Variants in TUBGCP6 observed in about 807,000 individuals in gnomAD.
The protein encoded by TUBGCP6 is tubulin gamma complex component 6.
A neutral mutation model predicts 175.8 loss-of-function variants in TUBGCP6; 161 were observed. The observed-to-expected ratio is 0.92, with a 90% CI of 0.81 to 1.04. TUBGCP6 has a LOEUF of 1.04. Ranked by LOEUF, TUBGCP6 falls within the 50% of genes least tolerant of loss-of-function variation. The pLI, the probability that TUBGCP6 is intolerant of heterozygous loss-of-function variation, is 0.00. For synonymous variants in TUBGCP6, 1,173 were observed against 1,030.5 expected (o/e 1.14, Z -2.65); for missense variants, 2,572 against 2,433.0 (o/e 1.06, Z -1.20).
Position 50,224,191 on chromosome 22 carries a change from GTCTCGGAGT to G in TUBGCP6, c.2211_2219del (p.Glu737_Arg739del). 6.2e-7 allele frequency: 1 copy of G among 1,614,078 alleles called. No homozygotes were observed. Among genetic ancestry groups the G allele is most frequent in the Non-Finnish European group, 8.5e-7 (1 of 1,180,024 alleles). The stretch of plus-strand genomic sequence containing the variant: ...CCAGGGACTTCAGCCTTCTCTCCCT[GTCTCGGAGT>G]TCACGGGCGTAGCTGAAGTCATCAT... On this transcript the variant is annotated inframe_deletion, in exon 13 of 25. Transcript: ENST00000248846.
intron 10 of TUBGCP6, 100 bp downstream of exon 10, chr22:50,225,694 C>T (rs2088634588): frequency 6.9e-7 from 1 of 1,446,522 alleles, no homozygotes; most frequent in Non-Finnish European, 9.1e-7. Context: ...GAAGGGAGGC[C>T]CCCATCTTGC....
In TUBGCP6 at chr22:50,244,134, G is replaced by T. The variant is rs2064886230; in HGVS notation, c.326C>A (p.Ser109Tyr). 1 of 1,613,568 alleles carries T rather than the reference G, an allele frequency of 6.2e-7. No homozygotes were observed. The highest frequency in any genetic ancestry group is 8.5e-7 in the Non-Finnish European group (1 of 1,180,052). Residue 109 changes from serine (S) to tyrosine (Y), a missense_variant, in exon 1 of 25, where the codon TCT (serine) becomes TAT (tyrosine). Coordinates refer to ENST00000248846, the MANE Select transcript of TUBGCP6 (RefSeq NM_020461.4). Reference protein sequence around the residue: ...APCCPLLEVGSVLDLLVQLAG... With the variant: ...APCCPLLEVGYVLDLLVQLAG... ...CAGCTGAACCAGGAGGTCCAAAACA[G>T]ACCCCACCTCCAAAAGCGGACAGCA...
chr22:50,239,830 C>T (rs2064818254), intron 2 of TUBGCP6, among the ~76,000 whole-genome samples: 1 of 152,238 alleles, frequency 6.6e-6, no homozygotes, highest in Non-Finnish European at 1.5e-5. Context: ...AGGCAGCTCT[C>T]TTGCTCTTAA....
At chr22:50,228,984 A>C (rs1243919617) in intron 4 of TUBGCP6, among the ~76,000 whole-genome samples, 1 of 152,180 alleles carries the variant, frequency 6.6e-6, no homozygotes, top group African/African-American at 2.4e-5. Flanking sequence ...AAGACTCACC[A>C]AACAGCAGCT....
In TUBGCP6 at chr22:50,243,950, C is replaced by T. The variant is rs369177780; in HGVS notation, c.510G>A (p.Leu170=). The change falls in exon 1 of 25, where the codon TTG becomes TTA. Residue 170 remains leucine, a synonymous_variant. Coordinates refer to ENST00000248846, the MANE Select transcript of TUBGCP6 (RefSeq NM_020461.4). ...GTGTTTCCTGGATCATGCTGTGACA[C>T]AAACACTCTTCTCTGGAGATCAGAG... is the stretch of plus-strand genomic sequence containing the variant. ...VQSLISREEC[L]CHSMIQETLQ... is the part of the protein sequence containing the mutation. 3.1e-6 allele frequency: 5 copies of T among 1,614,040 alleles called. No individual in the cohort carries two copies. Among genetic ancestry groups the T allele is most frequent in the African/African-American group, 1.3e-5 (1 of 74,946 alleles).
rs772438937 is a variant in TUBGCP6 at position 50,233,496 on chromosome 22, C to A, written c.936G>T (p.Leu312=). The change falls in exon 3 of 25, where the codon CTG becomes CTT. Residue 312 remains leucine (L), a synonymous_variant. Coordinates refer to ENST00000248846, the MANE Select transcript of TUBGCP6 (RefSeq NM_020461.4). ...CGAAAGCGTCCCTTCCCGCCTCCGTCAGGTAAGGCTCCTCTCTGTGGCCAG... is the reference window on the plus strand; with the variant it reads ...CGAAAGCGTCCCTTCCCGCCTCCGTAAGGTAAGGCTCCTCTCTGTGGCCAG... ...CPPGHREEPY[L]TEAGRDAFDK... 1 of 1,609,508 alleles carries A rather than the reference C, an allele frequency of 6.2e-7. No individual in the cohort carries two copies. The highest frequency in any genetic ancestry group is 1.3e-5 in the African/African-American group (1 of 74,940).
chr22:50,241,898 T>G (rs1334124477), intron 1 of TUBGCP6, among the ~76,000 whole-genome samples: 1 of 151,388 alleles, frequency 6.6e-6, no homozygotes, highest in Non-Finnish European at 1.5e-5. Flanking sequence ...GTCTTGTGTC[T>G]TTATTTCTAC....
intron 5 of TUBGCP6, among the ~76,000 whole-genome samples, chr22:50,227,431 T>C (rs730936): frequency 0.2 from 30,064 of 151,860 alleles, 3,139 homozygotes; most frequent in Middle Eastern, 0.26. Context: ...CTGCCACAAC[T>C]CGCACCCTTC....
At chr22:50,227,253 C>T (rs892772178) in intron 5 of TUBGCP6, among the ~76,000 whole-genome samples, 176 bp from the exon 6 acceptor site, 18 of 152,096 alleles carry the variant, frequency 1.2e-4, no homozygotes, top group African/African-American at 2.2e-4. Context: ...CTGCAGGACT[C>T]GTGTGCAGCC....
At position 50,244,299 on chromosome 22, in the gene TUBGCP6, G is replaced by A. The variant is rs139974572; in HGVS notation, c.161C>T (p.Thr54Ile). Residue 54 changes from threonine to isoleucine, a missense_variant, in exon 1 of 25, where the codon ACT (threonine) becomes ATT (isoleucine). Thr to Ile is a moderately conservative substitution (Grantham distance 89). Coordinates refer to ENST00000248846, the MANE Select transcript of TUBGCP6 (RefSeq NM_020461.4). Reference sequence around the variant, plus strand: ...TGACATGTCAGGCTGCAGCTGTTGAGTCTCATCTTGAAAAAGATTTGTGAA... The same window carrying A: ...TGACATGTCAGGCTGCAGCTGTTGAATCTCATCTTGAAAAAGATTTGTGAA... Reference protein sequence around the residue: ...ALFTNLFQDETQQLQPDMSKL... With the variant: ...ALFTNLFQDEIQQLQPDMSKL... 11 of 1,613,538 alleles carry A rather than the reference G, an allele frequency of 6.8e-6. No homozygotes were observed. Among genetic ancestry groups the A allele is most frequent in the Non-Finnish European group, 9.3e-6 (11 of 1,180,048 alleles).
chr22:50,238,687 G>A (rs1333179318), intron 2 of TUBGCP6, among the ~76,000 whole-genome samples: 11 of 151,752 alleles, frequency 7.2e-5, no homozygotes, highest in South Asian at 2.1e-4. Flanking sequence ...ACAGGCACCC[G>A]CCACCACGCC....
intron 2 of TUBGCP6, among the ~76,000 whole-genome samples, chr22:50,237,684 T>G (rs2064793314): frequency 1.3e-5 from 2 of 151,916 alleles, no homozygotes; most frequent in African/African-American, 4.8e-5. Flanking sequence ...GTGCCGGAGC[T>G]CCGCAGCCTA....
chr22:50,238,388 A>C (rs1200286341), intron 2 of TUBGCP6, among the ~76,000 whole-genome samples: 2 of 150,646 alleles, frequency 1.3e-5, no homozygotes, highest in Admixed American at 6.6e-5. Context: ...CGGAGGTTGC[A>C]GTGAGCTGGA....
Position 50,227,899 on chromosome 22 carries a change from A to T in TUBGCP6, c.1412+8T>A. 1 of 1,573,226 alleles carries T rather than the reference A, an allele frequency of 6.4e-7. No individual in the cohort carries two copies. The highest frequency in any genetic ancestry group is 1.3e-5 in the African/African-American group (1 of 74,100). On this transcript the variant is annotated splice_region_variant and intron_variant, in intron 5 of 24. Transcript: ENST00000248846. Reference sequence around the variant, plus strand: ...AGTCCCCTGCTCAGCCGCCATGCTGAGGCTCACCTGAGCTGCCGGCCAAGT... The same window carrying T: ...AGTCCCCTGCTCAGCCGCCATGCTGTGGCTCACCTGAGCTGCCGGCCAAGT...
At chr22:50,228,203 G>C (rs1296361630) in intron 4 of TUBGCP6, among the ~76,000 whole-genome samples, 175 bp from the exon 5 acceptor site, 1 of 152,194 alleles carries the variant, frequency 6.6e-6, no homozygotes, top group African/African-American at 2.4e-5. Context: ...AGGTGGAAAT[G>C]CGGCCCATCC....
intron 2 of TUBGCP6, among the ~76,000 whole-genome samples, chr22:50,234,196 G>A (rs1047624907): frequency 1.9e-4 from 27 of 142,990 alleles, no homozygotes; most frequent in Non-Finnish European, 3.3e-4. Flanking sequence ...CCACACGCCC[G>A]TCCACAGCAG....
In TUBGCP6 at chr22:50,244,655, C is replaced by T. The variant is rs2064896560; in HGVS notation, c.-196G>A. ...TCTACTCAGAGTAAACACGCCCTGCCCTCCCCAGTCCAAGCACGCTGCCCG... is the reference window on the plus strand; with the variant it reads ...TCTACTCAGAGTAAACACGCCCTGCTCTCCCCAGTCCAAGCACGCTGCCCG... On this transcript the variant is annotated 5_prime_UTR_variant, in exon 1 of 25. Coordinates refer to ENST00000248846, the MANE Select transcript of TUBGCP6 (RefSeq NM_020461.4). 3 of 885,458 alleles carry T rather than the reference C, an allele frequency of 3.4e-6. No homozygotes were observed. The highest frequency in any genetic ancestry group is 1.9e-5 in the South Asian group (1 of 51,964). The allele number at this position is 885,458 out of a possible 1,614,324, so 54.9% of individuals were successfully genotyped here.
intron 1 of TUBGCP6, 96 bp from the exon 2 acceptor site, chr22:50,240,463 AC>A: frequency 7.0e-7 from 1 of 1,435,576 alleles, no homozygotes; most frequent in South Asian, 1.3e-5. Flanking sequence ...CAAAGACCTA[AC>A]AAAATGTTTC....
At position 50,244,639 on chromosome 22, in the gene TUBGCP6, A is replaced by G; in HGVS notation, c.-180T>C. ...GAGGTCTTGCGGTTGCTCTACTCAGAGTAAACACGCCCTGCCCTCCCCAGT... is the reference window on the plus strand; with the variant it reads ...GAGGTCTTGCGGTTGCTCTACTCAGGGTAAACACGCCCTGCCCTCCCCAGT... On this transcript the variant is annotated 5_prime_UTR_variant, in exon 1 of 25. Transcript: ENST00000248846. 1 of 1,056,552 alleles carries G rather than the reference A, an allele frequency of 9.5e-7. No individual in the cohort carries two copies. The highest frequency in any genetic ancestry group is 1.3e-6 in the Non-Finnish European group (1 of 758,968). The allele number at this position is 1,056,552 out of a possible 1,614,324, so 65.4% of individuals were successfully genotyped here. A position where few individuals can be genotyped will look rare whatever the true frequency, so the allele number is the denominator to read the frequency against.
Sources: gnomAD v4.1 joint callset for allele counts (sites outside exome capture counted in the v4.1 genomes callset) on GRCh38, gnomAD v4.1.1 for gene constraint, MANE v1.5 for transcripts, NCBI Gene and HGNC (gene_info 2026-07-23, HGNC 2026-07-21) for gene names.